The following ZNRF3 variants were observed in gnomAD, a reference collection of about 807,000 sequenced individuals.
ZNRF3 encodes the protein zinc and ring finger 3.
ZNRF3 carries 23 observed loss-of-function variants against 72.5 expected under a neutral mutation model. The ratio of observed to expected loss-of-function variants is 0.32; its 90% confidence interval spans 0.23 to 0.45. The LOEUF is 0.45. Among genes scored for constraint, ZNRF3 ranks in the 20% least tolerant of loss-of-function variants. The pLI is 1.00. For synonymous variants in ZNRF3, 610 were observed against 545.3 expected, an observed-to-expected ratio of 1.12 and a Z score of -1.65; for missense variants, 1,169 against 1,272.1, an observed-to-expected ratio of 0.92 and a Z score of 1.23.
chr22:29,041,264 T>C (rs1303633149), intron 2 of ZNRF3, among the ~76,000 whole-genome samples: 1 of 152,110 alleles, frequency 6.6e-6, no homozygotes, highest in Non-Finnish European at 1.5e-5. Context: ...TACCTCAGCC[T>C]CCCGAGTAGC....
intron 1 of ZNRF3, among the ~76,000 whole-genome samples, chr22:28,966,611 T>C (rs1254052570): frequency 1.3e-5 from 2 of 151,924 alleles, no homozygotes; most frequent in Non-Finnish European, 2.9e-5. Context: ...GTCTTAATTT[T>C]TAACAAAAAA....
intron 1 of ZNRF3, among the ~76,000 whole-genome samples, chr22:28,922,758 C>G (rs1291047575): frequency 1.3e-5 from 2 of 152,318 alleles, no homozygotes; most frequent in East Asian, 3.9e-4. Context: ...CCAGTTAACT[C>G]TTTTGTGCCC....
intron 1 of ZNRF3, among the ~76,000 whole-genome samples, chr22:28,895,635 C>T (rs146973001): frequency 0.023 from 3,495 of 152,248 alleles, 91 homozygotes; most frequent in African/African-American, 0.056. Flanking sequence ...CCACTGCACT[C>T]CAGCCTGGGC....
At chr22:28,912,548 C>T (rs1376989796) in intron 1 of ZNRF3, among the ~76,000 whole-genome samples, 2 of 151,880 alleles carry the variant, frequency 1.3e-5, no homozygotes, top group Non-Finnish European at 2.9e-5. Flanking sequence ...GGCTGAGGCT[C>T]GCCTTAACTT....
chr22:29,012,402 G>A (rs2036362146), intron 2 of ZNRF3, among the ~76,000 whole-genome samples: 1 of 152,156 alleles, frequency 6.6e-6, no homozygotes, highest in Admixed American at 6.5e-5. Flanking sequence ...ACCTGCCCAC[G>A]CCAGTGTTGT....
At chr22:28,914,631 A>C (rs1294706582) in intron 1 of ZNRF3, among the ~76,000 whole-genome samples, 1 of 151,724 alleles carries the variant, frequency 6.6e-6, no homozygotes, top group Non-Finnish European at 1.5e-5. Flanking sequence ...CCTGACCAAC[A>C]TGGTGAAACC....
At chr22:28,910,252 A>T (rs569866815) in intron 1 of ZNRF3, among the ~76,000 whole-genome samples, 3 of 151,810 alleles carry the variant, frequency 2.0e-5, no homozygotes, top group Non-Finnish European at 4.4e-5. Context: ...TGTTGACCAG[A>T]TTGGTCTCGA....
intron 1 of ZNRF3, among the ~76,000 whole-genome samples, chr22:28,915,838 C>T (rs1046383624): frequency 1.3e-5 from 2 of 152,182 alleles, no homozygotes; most frequent in African/African-American, 2.4e-5. Context: ...ACCACTGACA[C>T]ACACACGGGC....
intron 2 of ZNRF3, among the ~76,000 whole-genome samples, chr22:29,011,323 T>C (rs903240764): frequency 6.6e-6 from 1 of 152,212 alleles, no homozygotes; most frequent in African/African-American, 2.4e-5. Flanking sequence ...TACATTATTC[T>C]GTGGTCAACC....
chr22:29,034,956 A>AT, intron 2 of ZNRF3, among the ~76,000 whole-genome samples: 1 of 151,540 alleles, frequency 6.6e-6, no homozygotes, highest in South Asian at 2.1e-4. Flanking sequence ...TGCAAATAGA[A>AT]TTTGACTGTG....
In ZNRF3 at chr22:29,050,655, T is replaced by A; in HGVS notation, c.2474T>A (p.Leu825Gln). Residue 825 changes from leucine (L) to glutamine (Q), a missense_variant, in exon 8 of 9, where the codon CTG (leucine) becomes CAG (glutamine). Around this residue, in one of 2 missense-constraint regions of ZNRF3, gnomAD observed 783 missense variants for 731.4 expected, o/e 1.07. Coordinates refer to ENST00000544604, the MANE Select transcript of ZNRF3 (RefSeq NM_001206998.2). ...GGCTGCTACCCCGGGGCCCGGGACC[T>A]GAGCCAGCGCATCCCCATCATTCCA... ...PPGCYPGARD[L>Q]SQRIPIIPED... 1 of 1,612,144 alleles carries A rather than the reference T, an allele frequency of 6.2e-7. No homozygotes were observed.
chr22:29,050,554 C>G lies in ZNRF3; in HGVS notation c.2373C>G (p.Gly791=), dbSNP rs566481251. The G allele has an allele frequency of 6.2e-7, 1 of 1,609,744 alleles. No homozygotes were observed. The highest frequency in any genetic ancestry group is 8.5e-7 in the Non-Finnish European group (1 of 1,178,488). The change falls in exon 8 of 9, where the codon GGC becomes GGG. Residue 791 remains glycine (G), a synonymous_variant. Coordinates refer to ENST00000544604, the MANE Select transcript of ZNRF3 (RefSeq NM_001206998.2). ...FYEEKQVARG[G]GGGSGCYTED... ...AAGAGAAGCAGGTGGCCCGCGGGGG[C>G]GGAGGGGGCAGCGGCTGCTACACTG...
intron 2 of ZNRF3, among the ~76,000 whole-genome samples, chr22:29,009,319 A>C (rs2036309664): frequency 6.6e-6 from 1 of 152,180 alleles, no homozygotes; most frequent in Admixed American, 6.5e-5. Context: ...CCAGTCAAAA[A>C]GAGCAACTTG....
intron 1 of ZNRF3, among the ~76,000 whole-genome samples, chr22:28,950,993 G>A (rs988412875): frequency 6.6e-6 from 1 of 152,074 alleles, no homozygotes; most frequent in Non-Finnish European, 1.5e-5. Flanking sequence ...ATTTTTCCTT[G>A]TTTCCCCCTG....
intron 1 of ZNRF3, among the ~76,000 whole-genome samples, chr22:28,908,524 C>T (rs1190524657): frequency 1.3e-5 from 2 of 152,120 alleles, no homozygotes; most frequent in Non-Finnish European, 2.9e-5. Flanking sequence ...ACCACTGGGG[C>T]CTGTACGTGG....
At position 29,055,395 on chromosome 22, in the gene ZNRF3, G is replaced by A. The variant is rs983864091; in HGVS notation, c.*1773G>A. On this transcript the variant is annotated 3_prime_UTR_variant, in exon 9 of 9. Transcript: ENST00000544604. Reference sequence around the variant, plus strand: ...GGGTAGGAGAACAAGGACCACCTGGGTTCTCCAGTCTTGAACGAGAATCTC... The same window carrying A: ...GGGTAGGAGAACAAGGACCACCTGGATTCTCCAGTCTTGAACGAGAATCTC... 1 of 152,202 alleles carries A rather than the reference G, an allele frequency of 6.6e-6. No individual in the cohort carries two copies. The highest frequency in any genetic ancestry group is 1.5e-5 in the Non-Finnish European group (1 of 68,042). 9.4% of individuals were successfully genotyped at this position (152,202 alleles called of 1,614,324 possible). A position where few individuals can be genotyped will look rare whatever the true frequency, so the allele number is the denominator to read the frequency against.
intron 1 of ZNRF3, among the ~76,000 whole-genome samples, chr22:28,896,470 G>T (rs977973661): frequency 6.6e-6 from 1 of 152,124 alleles, no homozygotes; most frequent in Non-Finnish European, 1.5e-5. Context: ...CGCCATGTTG[G>T]CCAGGCTGGT....
intron 2 of ZNRF3, among the ~76,000 whole-genome samples, chr22:29,004,526 G>T (rs1432458326): frequency 6.6e-6 from 1 of 152,202 alleles, no homozygotes; most frequent in Non-Finnish European, 1.5e-5. Flanking sequence ...CGCCAGTCTA[G>T]GTGGCCCCTC....
At chr22:28,986,634 T>C (rs1290379407) in intron 1 of ZNRF3, 1 of 985,358 alleles carries the variant, frequency 1.0e-6, no homozygotes, top group Non-Finnish European at 1.2e-6. Flanking sequence ...TTCCAGATCC[T>C]CTTGCGTAAG....
Sources: gnomAD v4.1 joint callset for allele counts (sites outside exome capture counted in the v4.1 genomes callset) on GRCh38, gnomAD v4.1.1 for gene constraint, gnomAD v4.1.1 regional missense constraint, MANE v1.5 for transcripts, NCBI Gene and HGNC (gene_info 2026-07-23, HGNC 2026-07-21) for gene names.